Variants in GRM7 observed in about 807,000 individuals in gnomAD.
The protein encoded by GRM7 is glutamate metabotropic receptor 7, also known as metabotropic glutamate receptor 7.
In GRM7, 35 loss-of-function variants were observed where a neutral mutation model predicts 84.5. The observed-to-expected ratio is 0.41, with a 90% CI of 0.32 to 0.55. The LOEUF (loss-of-function observed/expected upper bound fraction) is 0.55, where lower values mean the gene tolerates loss of function less well. Ranked by LOEUF, GRM7 falls within the 20% of genes least tolerant of loss-of-function variation. The probability of loss-of-function intolerance (pLI) is 0.19; values close to 1 mark genes in which losing one functional copy is unlikely to be tolerated. For synonymous variants in GRM7, 487 were observed against 455.1 expected (o/e 1.07, Z -0.89); for missense variants, 1,003 against 1,194.6 (o/e 0.84, Z 2.36).
intron 1 of GRM7, among the ~76,000 whole-genome samples, chr3:7,075,541 TGTGTTTG>T (rs1397286673): frequency 7.1e-6 from 1 of 141,314 alleles, no homozygotes; most frequent in African/African-American, 2.5e-5. Flanking sequence ...TGTGTGTGTG[TGTGTTTG>T]GAGATGGAGT....
At chr3:7,157,559 C>G (rs1162101552) in intron 2 of GRM7, among the ~76,000 whole-genome samples, 5 of 151,702 alleles carry the variant, frequency 3.3e-5, no homozygotes, top group African/African-American at 1.2e-4. Flanking sequence ...ACTTAAAATA[C>G]ACGTAGAGGA....
intron 5 of GRM7, among the ~76,000 whole-genome samples, chr3:7,421,134 C>T (rs912351958): frequency 6.6e-6 from 1 of 152,100 alleles, no homozygotes; most frequent in Non-Finnish European, 1.5e-5. Flanking sequence ...TTTTAAGTCA[C>T]TTAAATATGA....
intron 2 of GRM7, among the ~76,000 whole-genome samples, chr3:7,178,977 G>A (rs1037526488): frequency 2.0e-5 from 3 of 152,010 alleles, no homozygotes; most frequent in African/African-American, 4.8e-5. Flanking sequence ...GTGGTGGCAT[G>A]CACCTGTAAT....
chr3:6,870,793 AAG>A (rs1695095671), intron 1 of GRM7, among the ~76,000 whole-genome samples: 1 of 152,146 alleles, frequency 6.6e-6, no homozygotes, highest in South Asian at 2.1e-4. Context: ...CCCTTAACCC[AAG>A]ATTTTGGGCC....
intron 1 of GRM7, among the ~76,000 whole-genome samples, chr3:7,048,221 A>G (rs536467163): frequency 1.3e-5 from 2 of 152,162 alleles, no homozygotes; most frequent in East Asian, 3.9e-4. Context: ...TCCTTATCCA[A>G]GCATAACTGA....
At chr3:7,116,987 G>T (rs908190700) in intron 1 of GRM7, among the ~76,000 whole-genome samples, 3 of 152,120 alleles carry the variant, frequency 2.0e-5, no homozygotes, top group Non-Finnish European at 4.4e-5. Flanking sequence ...TTTGACTCAG[G>T]CAATTTGATT....
intron 4 of GRM7, among the ~76,000 whole-genome samples, 164 bp from the exon 5 acceptor site, chr3:7,414,859 A>G (rs1000966873): frequency 6.6e-6 from 1 of 151,934 alleles, no homozygotes; most frequent in Non-Finnish European, 1.5e-5. Context: ...GATTAATGCA[A>G]TTAGAATATT....
At chr3:7,073,301 C>T (rs1022322128) in intron 1 of GRM7, among the ~76,000 whole-genome samples, 4 of 151,942 alleles carry the variant, frequency 2.6e-5, no homozygotes, top group African/African-American at 9.7e-5. Flanking sequence ...TGTGCCACAC[C>T]TGTTGCCTTG....
intron 6 of GRM7, among the ~76,000 whole-genome samples, chr3:7,456,692 T>C (rs1180450421): frequency 1.4e-5 from 1 of 72,386 alleles, no homozygotes. Flanking sequence ...ATTTTCTCTC[T>C]CTCTTTTTTT....
At chr3:7,448,968 T>TA (rs200992414) in intron 5 of GRM7, among the ~76,000 whole-genome samples, 1 of 151,842 alleles carries the variant, frequency 6.6e-6, no homozygotes, top group East Asian at 1.9e-4. Flanking sequence ...CTAAGTTCTA[T>TA]AAAAAATAAG....
At chr3:7,272,402 G>A (rs545190546) in intron 2 of GRM7, among the ~76,000 whole-genome samples, 9 of 152,128 alleles carry the variant, frequency 5.9e-5, no homozygotes, top group Non-Finnish European at 1.3e-4. Context: ...TTAATATATG[G>A]AATACATGGG....
intron 2 of GRM7, among the ~76,000 whole-genome samples, chr3:7,293,313 C>T (rs769079683): frequency 3.9e-5 from 6 of 152,054 alleles, no homozygotes; most frequent in Non-Finnish European, 4.4e-5. Flanking sequence ...AGCTACCATG[C>T]GCAGACAGAA....
At chr3:7,586,487 A>T (rs1695520392) in intron 8 of GRM7, among the ~76,000 whole-genome samples, 1 of 152,174 alleles carries the variant, frequency 6.6e-6, no homozygotes, top group Non-Finnish European at 1.5e-5. Context: ...GTTTATCTAC[A>T]AAATGGAATA....
chr3:6,998,119 CAAAAAAA>C (rs3063449), intron 1 of GRM7, among the ~76,000 whole-genome samples: 1 of 18,432 alleles, frequency 5.4e-5, no homozygotes, highest in Non-Finnish European at 9.6e-5. Flanking sequence ...ATCTCCATCT[CAAAAAAA>C]AAAAAAAAAA....
At chr3:6,876,712 T>C (rs1375294827) in intron 1 of GRM7, among the ~76,000 whole-genome samples, 2 of 151,314 alleles carry the variant, frequency 1.3e-5, no homozygotes, top group African/African-American at 4.9e-5. Flanking sequence ...GACGATTCTC[T>C]TGCCTCAGCC....
At chr3:7,454,198 C>T (rs712795) in intron 6 of GRM7, among the ~76,000 whole-genome samples, 29,868 of 151,550 alleles carry the variant, frequency 0.2, 3,523 homozygotes, top group East Asian at 0.5. Flanking sequence ...AACCATATTT[C>T]AAGTTTTAAA....
intron 4 of GRM7, among the ~76,000 whole-genome samples, chr3:7,313,116 A>G (rs1349442169): frequency 1.3e-5 from 2 of 151,644 alleles, no homozygotes; most frequent in Non-Finnish European, 2.9e-5. Flanking sequence ...TTTAGTAGAG[A>G]TGGGGTTTCA....
chr3:7,729,432 T>A (rs1378472902), intron 9 of GRM7, among the ~76,000 whole-genome samples: 5 of 152,222 alleles, frequency 3.3e-5, no homozygotes, highest in African/African-American at 9.6e-5. Flanking sequence ...AAGGCTATGA[T>A]GTGTCAGCCT....
At chr3:7,141,653 G>T (rs1456805832) in intron 1 of GRM7, among the ~76,000 whole-genome samples, 2 of 151,592 alleles carry the variant, frequency 1.3e-5, no homozygotes, top group Non-Finnish European at 2.9e-5. Flanking sequence ...TATGAAGAGG[G>T]AGTATGCTAC....
Sources: allele counts gnomAD v4.1 joint callset (sites outside exome capture counted in the v4.1 genomes callset), GRCh38; gene constraint gnomAD v4.1.1; transcripts MANE v1.5; gene names NCBI Gene and HGNC (gene_info 2026-07-23, HGNC 2026-07-21).